SLC9D1: variants seen among roughly 807,000 people sequenced by gnomAD.
SLC9D1 encodes solute carrier family 9 member D1, also known as putative LAG1-interacting protein.
At chr13:113,533,702 C>T in the SLC9D1 span, among the ~76,000 whole-genome samples, 1 of 152,226 alleles carries the variant, frequency 6.6e-6, no homozygotes, top group African/African-American at 2.4e-5. Flanking sequence ...CAACCGCTGC[C>T]TGGCGGAGAC....
At chr13:113,492,615 A>G in the SLC9D1 span, among the ~76,000 whole-genome samples, 1 of 152,202 alleles carries the variant, frequency 6.6e-6, no homozygotes, top group African/African-American at 2.4e-5. Flanking sequence ...AGATGCAGAA[A>G]TTCTAAGAAT....
chr13:113,547,328 G>A, the SLC9D1 span: 37 of 1,614,064 alleles, frequency 2.3e-5, no homozygotes, highest in South Asian at 3.3e-5. Flanking sequence ...CGTTTGTGGC[G>A]TACGAGCTCA....
chr13:113,536,890 G>C, the SLC9D1 span, among the ~76,000 whole-genome samples: 21 of 152,220 alleles, frequency 1.4e-4, no homozygotes, highest in Non-Finnish European at 1.2e-4. Flanking sequence ...CATGACGTGG[G>C]TTTCCCCAAA....
chr13:113,503,371 G>A, the SLC9D1 span: 6 of 627,848 alleles, frequency 9.6e-6, no homozygotes, highest in African/African-American at 3.7e-5. Context: ...GTGTGTGTGT[G>A]TGTGTGTGTG....
chr13:113,507,427 G>T, the SLC9D1 span, among the ~76,000 whole-genome samples: 1 of 152,170 alleles, frequency 6.6e-6, no homozygotes, highest in African/African-American at 2.4e-5. Context: ...CCTGCCACGT[G>T]GGTTAGCTTG....
chr13:113,494,685 C>T, the SLC9D1 span, among the ~76,000 whole-genome samples: 1 of 151,906 alleles, frequency 6.6e-6, no homozygotes, highest in South Asian at 2.1e-4. Context: ...TAATTCTTGA[C>T]ATCTTGGTAG....
the SLC9D1 span, among the ~76,000 whole-genome samples, chr13:113,520,939 T>A: frequency 6.6e-6 from 1 of 152,112 alleles, no homozygotes; most frequent in Admixed American, 6.5e-5. Context: ...ATCCTCACAG[T>A]TCCTCAGTCC....
the SLC9D1 span, chr13:113,501,770 A>G: frequency 6.2e-7 from 1 of 1,610,370 alleles, no homozygotes; most frequent in Non-Finnish European, 8.5e-7. Flanking sequence ...TACCATAGGA[A>G]TGCTGTCCTT....
chr13:113,533,516 T>C, the SLC9D1 span, among the ~76,000 whole-genome samples: 2 of 152,340 alleles, frequency 1.3e-5, no homozygotes, highest in Admixed American at 1.3e-4. Context: ...GTCCGCTGGC[T>C]GAGATGGTGA....
At chr13:113,544,393 A>G in the SLC9D1 span, among the ~76,000 whole-genome samples, 51,526 of 152,142 alleles carry the variant, frequency 0.34, 9,270 homozygotes, top group African/African-American at 0.45. Context: ...CGTGGACGGC[A>G]CGTGGCAGTG....
the SLC9D1 span, among the ~76,000 whole-genome samples, chr13:113,543,160 A>C: frequency 5.5e-3 from 70 of 12,638 alleles, no homozygotes; most frequent in East Asian, 0.038. Flanking sequence ...CCCCCGCCCT[A>C]CCTCTGTCCG....
At chr13:113,509,683 G>A in the SLC9D1 span, among the ~76,000 whole-genome samples, 12 of 152,342 alleles carry the variant, frequency 7.9e-5, no homozygotes, top group African/African-American at 2.9e-4. Flanking sequence ...TGGAATAGGA[G>A]GAGTTCCAGG....
At chr13:113,501,634 C>G in the SLC9D1 span, 1 of 757,296 alleles carries the variant, frequency 1.3e-6, no homozygotes, top group Admixed American at 2.5e-5. Context: ...TTGTCTTCAC[C>G]CTTCATTCCC....
At chr13:113,520,645 G>A in the SLC9D1 span, 10 of 1,613,862 alleles carry the variant, frequency 6.2e-6, no homozygotes, top group South Asian at 6.6e-5. Flanking sequence ...CGTGCTCCTC[G>A]GCATGCTGGT....
chr13:113,522,427 G>A, the SLC9D1 span, among the ~76,000 whole-genome samples: 4 of 152,092 alleles, frequency 2.6e-5, no homozygotes, highest in East Asian at 1.9e-4. Flanking sequence ...TGCAAGCTCC[G>A]CCTCCCAGCT....
At chr13:113,513,697 A>C in the SLC9D1 span, among the ~76,000 whole-genome samples, 1 of 152,260 alleles carries the variant, frequency 6.6e-6, no homozygotes, top group Non-Finnish European at 1.5e-5. Flanking sequence ...GAGTGAATTC[A>C]TGCTCACAGA....
At chr13:113,520,699 ACT>A in the SLC9D1 span, 1 of 1,613,586 alleles carries the variant, frequency 6.2e-7, no homozygotes, top group Non-Finnish European at 8.5e-7. Context: ...CGTCATGCCG[ACT>A]CTCATACAGG....
chr13:113,523,083 C>T, the SLC9D1 span, among the ~76,000 whole-genome samples: 1 of 150,658 alleles, frequency 6.6e-6, no homozygotes, highest in African/African-American at 2.4e-5. Flanking sequence ...ATTTTGGGGT[C>T]TAACTTCATG....
chr13:113,518,615 G>C, the SLC9D1 span, among the ~76,000 whole-genome samples: 2 of 152,202 alleles, frequency 1.3e-5, no homozygotes, highest in African/African-American at 4.8e-5. Flanking sequence ...GCATCCCACA[G>C]ACTCATCTCG....
Sources: gnomAD v4.1 joint callset for allele counts (sites outside exome capture counted in the v4.1 genomes callset) on GRCh38, gnomAD v4.1.1 for gene constraint, MANE v1.5 for transcripts, NCBI Gene and HGNC (gene_info 2026-07-23, HGNC 2026-07-21) for gene names.